VSTM4: variants seen among roughly 807,000 people sequenced by gnomAD.
VSTM4 encodes V-set and transmembrane domain containing 4, also known as V-set and transmembrane domain-containing protein 4.
Under a neutral mutation model 36.4 loss-of-function variants are expected in VSTM4, and 20 were observed. The observed-to-expected ratio is 0.55, with a 90% CI of 0.39 to 0.80. The LOEUF (loss-of-function observed/expected upper bound fraction) is 0.80, where lower values mean the gene tolerates loss of function less well. VSTM4 is among the 30% of genes least tolerant of loss of function. The pLI is 0.00. For synonymous variants in VSTM4, 182 were observed against 173.9 expected (o/e 1.05, Z -0.37); for missense variants, 392 against 404.5 (o/e 0.97, Z 0.26).
chr10:49,095,634 G>A (rs1844556489), intron 2 of VSTM4, among the ~76,000 whole-genome samples: 1 of 152,158 alleles, frequency 6.6e-6, no homozygotes, highest in Non-Finnish European at 1.5e-5. Flanking sequence ...AAGCTCTCCT[G>A]TGCCCCAAGC....
chr10:49,046,276 TA>T (rs1055241611), intron 7 of VSTM4, among the ~76,000 whole-genome samples: 1 of 152,110 alleles, frequency 6.6e-6, no homozygotes, highest in African/African-American at 2.4e-5. Context: ...AGGGACATTC[TA>T]AAAAATCACT....
intron 7 of VSTM4, among the ~76,000 whole-genome samples, chr10:49,032,305 G>A (rs1193265542): frequency 1.3e-5 from 2 of 152,232 alleles, no homozygotes; most frequent in Non-Finnish European, 2.9e-5. Context: ...GGCTGGTGTA[G>A]AGCCGGCCTC....
chr10:49,087,868 T>C (rs1208428777), intron 2 of VSTM4, among the ~76,000 whole-genome samples: 1 of 149,224 alleles, frequency 6.7e-6, no homozygotes, highest in African/African-American at 2.5e-5. Context: ...ATTAAGATAG[T>C]TGGATATATA....
chr10:49,030,512 G>A (rs1843329176), intron 7 of VSTM4, among the ~76,000 whole-genome samples: 1 of 152,248 alleles, frequency 6.6e-6, no homozygotes, highest in South Asian at 2.1e-4. Flanking sequence ...GGGACTGAGA[G>A]CCAGTCACCC....
chr10:49,105,213 CAGAGAG>C (rs376193769), intron 2 of VSTM4, among the ~76,000 whole-genome samples: 93 of 117,542 alleles, frequency 7.9e-4, no homozygotes, highest in Admixed American at 2.2e-3. Context: ...GACAGAGAGA[CAGAGAG>C]AGAGAGAGAG....
At chr10:49,062,001 T>C (rs528868009) in intron 5 of VSTM4, among the ~76,000 whole-genome samples, 1 of 152,248 alleles carries the variant, frequency 6.6e-6, no homozygotes, top group Admixed American at 6.5e-5. Flanking sequence ...ATAGGAATTC[T>C]GAGTGTATTG....
chr10:49,093,734 T>C (rs967018450), intron 2 of VSTM4, among the ~76,000 whole-genome samples: 3 of 150,180 alleles, frequency 2.0e-5, no homozygotes, highest in Admixed American at 1.3e-4. Flanking sequence ...GTTCAAGTCA[T>C]AGTTACTCTT....
At chr10:49,020,524 TAAG>T (rs956251397) in intron 7 of VSTM4, among the ~76,000 whole-genome samples, 7 of 150,928 alleles carry the variant, frequency 4.6e-5, no homozygotes, top group African/African-American at 1.7e-4. Flanking sequence ...AAAAATAAGA[TAAG>T]AGACATAAAC....
chr10:49,070,068 C>T (rs58719664), intron 4 of VSTM4, among the ~76,000 whole-genome samples: 8,461 of 73,412 alleles, frequency 0.12, 1,975 homozygotes, highest in Middle Eastern at 0.19. Context: ...CCGGCTAAAA[C>T]GGTGAAACCC....
Position 49,019,676 on chromosome 10 carries a change from T to A in VSTM4, c.937A>T (p.Ile313Phe). The change falls in exon 8 of 8, where the codon ATC becomes TTC. Residue 313 changes from isoleucine (I) to phenylalanine (F), a missense_variant. Ile to Phe is a conservative substitution (Grantham distance 21). Transcript: ENST00000332853. ...GAPTSTVYAQ[I>F]LFEENKL Reference sequence around the variant, plus strand: ...TACAGCTTGTTCTCCTCGAAGAGGATCTGGGCGTAGACAGTGCTGGTGGGG... The same window carrying A: ...TACAGCTTGTTCTCCTCGAAGAGGAACTGGGCGTAGACAGTGCTGGTGGGG... 6.2e-7 allele frequency: 1 copy of A among 1,613,140 alleles called. No individual in the cohort carries two copies. The highest frequency in any genetic ancestry group is 8.5e-7 in the Non-Finnish European group (1 of 1,179,482).
intron 7 of VSTM4, among the ~76,000 whole-genome samples, chr10:49,027,552 A>G (rs890963210): frequency 2.0e-5 from 3 of 152,212 alleles, no homozygotes; most frequent in Admixed American, 1.3e-4. Flanking sequence ...TGCCACAGTC[A>G]GGTCTCAGGA....
chr10:49,102,091 A>T (rs1368345772), intron 2 of VSTM4: 1 of 152,104 alleles, frequency 6.6e-6, no homozygotes, highest in African/African-American at 2.4e-5. Context: ...TGGGGATATT[A>T]GGTAGTGGGT....
chr10:49,089,334 T>C (rs1844430591), intron 2 of VSTM4, among the ~76,000 whole-genome samples: 1 of 152,202 alleles, frequency 6.6e-6, no homozygotes, highest in African/African-American at 2.4e-5. Context: ...AACCTCAGAA[T>C]GGCCCTTTGT....
intron 2 of VSTM4, among the ~76,000 whole-genome samples, chr10:49,088,967 C>G (rs529816350): frequency 3.9e-5 from 6 of 152,238 alleles, no homozygotes; most frequent in Non-Finnish European, 8.8e-5. Context: ...GAATGGCAGG[C>G]CCCATGCCGG....
At chr10:49,070,943 G>T (rs1844067540) in intron 4 of VSTM4, among the ~76,000 whole-genome samples, 1 of 152,182 alleles carries the variant, frequency 6.6e-6, no homozygotes, top group East Asian at 1.9e-4. Flanking sequence ...GTGCTTGGAG[G>T]CCTCCTCCCC....
At chr10:49,022,906 C>T (rs1054585719) in intron 7 of VSTM4, among the ~76,000 whole-genome samples, 9 of 152,184 alleles carry the variant, frequency 5.9e-5, no homozygotes, top group Non-Finnish European at 1.0e-4. Context: ...AACACTAGCT[C>T]TTTCAATACA....
intron 1 of VSTM4, among the ~76,000 whole-genome samples, chr10:49,110,113 C>T (rs559400497): frequency 2.2e-4 from 34 of 152,148 alleles, no homozygotes; most frequent in Non-Finnish European, 4.3e-4. Flanking sequence ...GAAGTCCAGC[C>T]CCACCCCGCC....
chr10:49,070,236 G>C (rs1186252664), intron 4 of VSTM4, among the ~76,000 whole-genome samples: 1 of 44,184 alleles, frequency 2.3e-5, no homozygotes, highest in Non-Finnish European at 3.5e-5. Flanking sequence ...CTGGGCGACA[G>C]AGCGAGACTC....
intron 2 of VSTM4, among the ~76,000 whole-genome samples, chr10:49,094,182 C>G (rs927449501): frequency 3.9e-5 from 6 of 152,146 alleles, no homozygotes; most frequent in African/African-American, 1.2e-4. Flanking sequence ...CCCTGCCCAG[C>G]AACAGTCCTT....
Sources: allele counts gnomAD v4.1 joint callset (sites outside exome capture counted in the v4.1 genomes callset), GRCh38; gene constraint gnomAD v4.1.1; transcripts MANE v1.5; gene names NCBI Gene and HGNC (gene_info 2026-07-23, HGNC 2026-07-21).